AOAH: variants seen among roughly 807,000 people sequenced by gnomAD.
The protein encoded by AOAH is acyloxyacyl hydrolase, also known as acyloxyacyl hydrolase (neutrophil).
AOAH carries 64 observed loss-of-function variants against 92.2 expected under a neutral mutation model. The observed-to-expected ratio is 0.69, with a 90% CI of 0.57 to 0.86. The LOEUF (loss-of-function observed/expected upper bound fraction) is 0.86, where lower values mean the gene tolerates loss of function less well. Among genes scored for constraint, AOAH ranks in the 40% least tolerant of loss-of-function variants. AOAH has a pLI of 0.00. For missense variants in AOAH, 656 were observed against 694.6 expected (o/e 0.94, Z 0.62); for synonymous variants, 263 against 254.5 (o/e 1.03, Z -0.32).
chr7:36,658,092 C>T (rs1030000491), intron 4 of AOAH, among the ~76,000 whole-genome samples: 2 of 152,006 alleles, frequency 1.3e-5, no homozygotes, highest in Non-Finnish European at 2.9e-5. Flanking sequence ...TTCTAGGTAC[C>T]AGTGGAGCCT....
intron 12 of AOAH, among the ~76,000 whole-genome samples, chr7:36,588,917 T>TCATC (rs1396336429): frequency 1.3e-5 from 2 of 152,240 alleles, no homozygotes; most frequent in African/African-American, 4.8e-5. Flanking sequence ...CTAGAAAATG[T>TCATC]CATCTGGTTT....
At chr7:36,595,317 T>A (rs992658111) in intron 11 of AOAH, among the ~76,000 whole-genome samples, 14 of 152,202 alleles carry the variant, frequency 9.2e-5, no homozygotes. Flanking sequence ...GAGGACTGCT[T>A]GAGCCTAGGA....
chr7:36,625,661 A>C (rs767758410), intron 6 of AOAH, among the ~76,000 whole-genome samples: 1 of 152,230 alleles, frequency 6.6e-6, no homozygotes, highest in Non-Finnish European at 1.5e-5. Flanking sequence ...AGTGAGAACC[A>C]GCCTTGGGGA....
intron 16 of AOAH, 133 bp downstream of exon 16, chr7:36,540,186 T>C: frequency 2.4e-6 from 2 of 822,410 alleles, no homozygotes; most frequent in Non-Finnish European, 3.6e-6. Flanking sequence ...CTAGGGGCTC[T>C]TGCCTTTATC....
intron 1 of AOAH, among the ~76,000 whole-genome samples, chr7:36,696,496 CTAAGTA>C (rs1797717371): frequency 6.6e-6 from 1 of 152,154 alleles, no homozygotes; most frequent in African/African-American, 2.4e-5. Context: ...AAACTTATTC[CTAAGTA>C]TTTTTATTAA....
chr7:36,708,083 G>A (rs1798539670), intron 1 of AOAH, among the ~76,000 whole-genome samples: 1 of 151,958 alleles, frequency 6.6e-6, no homozygotes, highest in Non-Finnish European at 1.5e-5. Context: ...GTGAGCCACT[G>A]CACCTGGCCT....
chr7:36,667,476 A>C (rs1448710806), intron 3 of AOAH, among the ~76,000 whole-genome samples: 1 of 152,238 alleles, frequency 6.6e-6, no homozygotes, highest in Non-Finnish European at 1.5e-5. Flanking sequence ...AAACTTTGTC[A>C]TAGATATGGG....
At chr7:36,717,005 T>G (rs1562727448) in intron 1 of AOAH, among the ~76,000 whole-genome samples, 1 of 148,242 alleles carries the variant, frequency 6.7e-6, no homozygotes, top group South Asian at 2.1e-4. Flanking sequence ...AATAAATAAA[T>G]AAATAAATAA....
At chr7:36,715,943 A>C (rs1318232896) in intron 1 of AOAH, among the ~76,000 whole-genome samples, 1 of 152,226 alleles carries the variant, frequency 6.6e-6, no homozygotes, top group East Asian at 1.9e-4. Flanking sequence ...AAACACCAAA[A>C]GCAATGGCAA....
intron 1 of AOAH, chr7:36,690,306 C>T (rs1407619818): frequency 2.8e-6 from 1 of 359,832 alleles, no homozygotes; most frequent in Non-Finnish European, 5.4e-6. Context: ...CAAAAGGACC[C>T]TGCAGGAAAG....
chr7:36,696,187 C>T (rs1428020956), intron 1 of AOAH, among the ~76,000 whole-genome samples: 1 of 152,212 alleles, frequency 6.6e-6, no homozygotes, highest in African/African-American at 2.4e-5. Flanking sequence ...TACTGTAGTA[C>T]TTACAGTAAG....
intron 1 of AOAH, among the ~76,000 whole-genome samples, chr7:36,710,607 G>T (rs559579889): frequency 2.0e-5 from 3 of 152,304 alleles, no homozygotes; most frequent in African/African-American, 7.2e-5. Flanking sequence ...TAATAAATTT[G>T]TGTTGATTTA....
chr7:36,616,487 A>C lies in AOAH; in HGVS notation c.752-13T>G. 5 of 1,609,114 alleles carry C rather than the reference A, an allele frequency of 3.1e-6. No individual in the cohort carries two copies. The highest frequency in any genetic ancestry group is 4.3e-6 in the Non-Finnish European group (5 of 1,175,790). ...CTGGGCTGTGAACCTAGGCAGCACAATTTATTCACATTATTTATGCACTCA... is the reference window on the plus strand; with the variant it reads ...CTGGGCTGTGAACCTAGGCAGCACACTTTATTCACATTATTTATGCACTCA... On this transcript the variant is annotated splice_polypyrimidine_tract_variant and intron_variant, in intron 10 of 20. Transcript: ENST00000617537.
rs529187055 is a variant in AOAH, at chr7:36,722,568, G to T, written c.127+1454C>A. On this transcript the variant is annotated intron_variant, in intron 1 of 20. Transcript: ENST00000617537. ...TGGGGGAGGATGATCTCCCAGGCAT[G>T]GTTCAAAGGACCACACACCTCTGCC... Among the ~76,000 whole-genome samples the T allele has an allele frequency of 2.0e-5, 3 of 152,198 alleles. No homozygotes were observed. The South Asian group carries it at 6.2e-4, about 32-fold the overall frequency.
At chr7:36,677,729 CA>C (rs1796345305) in intron 2 of AOAH, among the ~76,000 whole-genome samples, 1 of 152,116 alleles carries the variant, frequency 6.6e-6, no homozygotes, top group Non-Finnish European at 1.5e-5. Context: ...AATAGATCAA[CA>C]AACGTGGTAT....
chr7:36,711,475 G>A (rs979268282), intron 1 of AOAH, among the ~76,000 whole-genome samples: 1 of 152,102 alleles, frequency 6.6e-6, no homozygotes, highest in Non-Finnish European at 1.5e-5. Flanking sequence ...CCTTCTCAGA[G>A]TGTCCCTGTG....
intron 18 of AOAH, among the ~76,000 whole-genome samples, chr7:36,531,719 G>C (rs17170627): frequency 6.6e-6 from 1 of 152,182 alleles, no homozygotes; most frequent in Non-Finnish European, 1.5e-5. Flanking sequence ...TTGAGCAATG[G>C]ATTCCCTGAG....
chr7:36,717,217 G>T lies in AOAH; in HGVS notation c.127+6805C>A, dbSNP rs188197395. ...GGGTTACGCTTTGGGATTGGAGCTG[G>T]GGTTGTTTGTGATGGGTCTGTAGGC... is the stretch of plus-strand genomic sequence containing the variant. On this transcript the variant is annotated intron_variant, in intron 1 of 20. Transcript: ENST00000617537. 1.5e-3 allele frequency among the ~76,000 whole-genome samples: 231 copies of T among 152,138 alleles called. 4 individuals carry two copies. The East Asian group carries it at 0.04, about 27-fold the overall frequency.
chr7:36,621,753 TC>T lies in AOAH; in HGVS notation c.609del (p.Arg204GlufsTer79), dbSNP rs1410418144. On this transcript the variant is annotated frameshift_variant, in exon 8 of 21. Transcript: ENST00000617537. LOFTEE classifies it high-confidence loss of function. ...FPTLRGYHWRGRDCNDSDESV... is the reference protein window; with the variant it reads ...FPTLRGYHWRXRDCNDSDESV... The stretch of plus-strand genomic sequence containing the variant: ...GACTCGTCGCTGTCATTACAGTCTC[TC>T]CCCCGCCAGTGATAGCCCCGCAGTG... 1 of 1,613,838 alleles carries T rather than the reference TC, an allele frequency of 6.2e-7. No individual in the cohort carries two copies. The highest frequency in any genetic ancestry group is 8.5e-7 in the Non-Finnish European group (1 of 1,179,994).
Sources: gnomAD v4.1 joint callset for allele counts (sites outside exome capture counted in the v4.1 genomes callset) on GRCh38, gnomAD v4.1.1 for gene constraint, MANE v1.5 for transcripts, NCBI Gene and HGNC (gene_info 2026-07-23, HGNC 2026-07-21) for gene names.